DOK6: variants seen among roughly 807,000 people sequenced by gnomAD.
DOK6 encodes downstream of tyrosine kinase 6.
In DOK6, 22 loss-of-function variants were observed where a neutral mutation model predicts 44.0. That is an observed-to-expected ratio of 0.50 (90% confidence interval 0.36 to 0.71). DOK6 has a LOEUF of 0.71. Among genes scored for constraint, DOK6 ranks in the 30% least tolerant of loss-of-function variants. The probability of loss-of-function intolerance (pLI) is 0.00; values close to 1 mark genes in which losing one functional copy is unlikely to be tolerated. For missense variants in DOK6, 340 were observed against 416.4 expected (o/e 0.82, Z 1.60); for synonymous variants, 166 against 145.5 (o/e 1.14, Z -1.01).
At chr18:69,449,812 C>G (rs200635211) in intron 1 of DOK6, among the ~76,000 whole-genome samples, 19,500 of 150,684 alleles carry the variant, frequency 0.13, 1,510 homozygotes, top group South Asian at 0.27. Context: ...TGACACCTCA[C>G]ACGGCAGGGT....
chr18:69,625,240 G>T lies in DOK6; in HGVS notation c.289+25742G>T, dbSNP rs936644946. ...AATTAAAATTCATTTAAGGTGATAA[G>T]TTGGAGTTGTTTTATTACATTTTCA... On this transcript the variant is annotated intron_variant, in intron 3 of 7. Coordinates refer to ENST00000382713, the MANE Select transcript of DOK6 (RefSeq NM_152721.6). Among the ~76,000 whole-genome samples the T allele has an allele frequency of 2.0e-5, 3 of 152,254 alleles. No homozygotes were observed. The South Asian group carries it at 6.2e-4, about 32-fold the overall frequency.
chr18:69,446,970 C>T (rs78366841), intron 1 of DOK6, among the ~76,000 whole-genome samples: 10,085 of 152,062 alleles, frequency 0.066, 431 homozygotes, highest in Non-Finnish European at 0.092. Flanking sequence ...CTTTGTCAGA[C>T]GGGTAGATTG....
intron 3 of DOK6, among the ~76,000 whole-genome samples, chr18:69,611,058 A>G (rs12954001): frequency 0.026 from 3,869 of 150,770 alleles, 55 homozygotes; most frequent in South Asian, 0.053. Flanking sequence ...CAAAAAAAGA[A>G]TTTTAATTTT....
chr18:69,568,602 G>T (rs888501792), intron 2 of DOK6, among the ~76,000 whole-genome samples: 1 of 152,178 alleles, frequency 6.6e-6, no homozygotes, highest in African/African-American at 2.4e-5. Flanking sequence ...AACTACCAGG[G>T]CATGAACCAG....
At chr18:69,419,197 T>G (rs970727463) in intron 1 of DOK6, among the ~76,000 whole-genome samples, 1 of 152,152 alleles carries the variant, frequency 6.6e-6, no homozygotes, top group Non-Finnish European at 1.5e-5. Flanking sequence ...AAGATAAAGT[T>G]CAATGCCTTT....
At chr18:69,710,388 A>T (rs879893024) in intron 5 of DOK6, among the ~76,000 whole-genome samples, 4 of 152,248 alleles carry the variant, frequency 2.6e-5, no homozygotes, top group Admixed American at 6.5e-5. Flanking sequence ...AATGAAAGGA[A>T]TACAACTCAA....
At chr18:69,795,107 A>G (rs1980706607) in intron 7 of DOK6, among the ~76,000 whole-genome samples, 1 of 152,148 alleles carries the variant, frequency 6.6e-6, no homozygotes, top group African/African-American at 2.4e-5. Flanking sequence ...ATTGTCTTCC[A>G]TGAAACTGGT....
intron 5 of DOK6, among the ~76,000 whole-genome samples, chr18:69,709,562 TC>T (rs1475881025): frequency 6.6e-6 from 1 of 152,118 alleles, no homozygotes; most frequent in African/African-American, 2.4e-5. Flanking sequence ...TTAAATAAAT[TC>T]TAGACAAAGA....
intron 4 of DOK6, among the ~76,000 whole-genome samples, chr18:69,678,060 G>A (rs1985965003): frequency 6.6e-6 from 1 of 152,012 alleles, no homozygotes; most frequent in Admixed American, 6.6e-5. Context: ...ACCAGCCTGG[G>A]CAACATGGTA....
intron 1 of DOK6, among the ~76,000 whole-genome samples, chr18:69,512,332 C>CTTTTTTTTTTTTTTTTTT (rs548031851): frequency 1.1e-5 from 1 of 91,690 alleles, no homozygotes; most frequent in Non-Finnish European, 2.0e-5. Flanking sequence ...CTTTCTTCTT[C>CTTTTTTTTTTTTTTTTTT]TTTTTTTTTT....
At chr18:69,520,140 A>G (rs1981645511) in intron 1 of DOK6, among the ~76,000 whole-genome samples, 1 of 151,850 alleles carries the variant, frequency 6.6e-6, no homozygotes, top group Non-Finnish European at 1.5e-5. Context: ...ATTTATTATT[A>G]TTAAAGAGAA....
intron 1 of DOK6, among the ~76,000 whole-genome samples, chr18:69,429,440 G>A (rs562232748): frequency 7.3e-5 from 11 of 151,230 alleles, no homozygotes; most frequent in African/African-American, 2.4e-4. Context: ...TACTACACAT[G>A]GATATTTTAT....
At chr18:69,690,906 C>T (rs1217665807) in intron 4 of DOK6, among the ~76,000 whole-genome samples, 2 of 152,114 alleles carry the variant, frequency 1.3e-5, no homozygotes, top group Non-Finnish European at 2.9e-5. Flanking sequence ...TTGGGCTGGG[C>T]ATGGTGGCTC....
intron 1 of DOK6, among the ~76,000 whole-genome samples, chr18:69,494,044 A>G (rs1182811382): frequency 6.6e-6 from 1 of 152,252 alleles, no homozygotes; most frequent in African/African-American, 2.4e-5. Context: ...CAATGACTGA[A>G]GCCTAAAATC....
At chr18:69,482,235 C>G (rs988504738) in intron 1 of DOK6, among the ~76,000 whole-genome samples, 6 of 152,060 alleles carry the variant, frequency 3.9e-5, no homozygotes, top group South Asian at 2.1e-4. Flanking sequence ...TAATTAGATC[C>G]CATTTGTCAA....
At chr18:69,418,642 CT>C (rs544310395) in intron 1 of DOK6, among the ~76,000 whole-genome samples, 4 of 150,136 alleles carry the variant, frequency 2.7e-5, no homozygotes, top group Admixed American at 6.7e-5. Flanking sequence ...CTTTTCTTTT[CT>C]TTTTTTTTGG....
rs904938064 is a variant in DOK6, at chr18:69,620,275, T to C, written c.289+20777T>C. Among the ~76,000 whole-genome samples the C allele has an allele frequency of 5.3e-4, 80 of 152,346 alleles. 1 individual carries two copies. Among genetic ancestry groups the C allele is most frequent in the Middle Eastern group, 3.4e-3 (1 of 294 alleles). On this transcript the variant is annotated intron_variant, in intron 3 of 7. Coordinates refer to ENST00000382713, the MANE Select transcript of DOK6 (RefSeq NM_152721.6). The stretch of plus-strand genomic sequence containing the variant: ...TTATACTCCATTATTTGCCAAGTTG[T>C]CATTTTCTTCCTCCAGATTGTATTT...
chr18:69,691,305 A>G (rs1986261561), intron 4 of DOK6, among the ~76,000 whole-genome samples: 1 of 152,210 alleles, frequency 6.6e-6, no homozygotes, highest in Non-Finnish European at 1.5e-5. Context: ...AAAAGAACCA[A>G]GAAGTGTTAA....
At chr18:69,412,162 T>C (rs1395875037) in intron 1 of DOK6, among the ~76,000 whole-genome samples, 1 of 151,644 alleles carries the variant, frequency 6.6e-6, no homozygotes, top group Non-Finnish European at 1.5e-5. Context: ...TTTCTTGAAT[T>C]ACTTAGTACA....
Sources: allele counts gnomAD v4.1 joint callset (sites outside exome capture counted in the v4.1 genomes callset), GRCh38; gene constraint gnomAD v4.1.1; transcripts MANE v1.5; gene names NCBI Gene and HGNC (gene_info 2026-07-23, HGNC 2026-07-21).